Variants in CTNNA3 observed in about 807,000 individuals in gnomAD.
CTNNA3 encodes the protein catenin alpha-3.
A neutral mutation model predicts 95.7 loss-of-function variants in CTNNA3; 76 were observed. The observed-to-expected ratio is 0.79, with a 90% CI of 0.66 to 0.96. The LOEUF (loss-of-function observed/expected upper bound fraction) is 0.96. CTNNA3 is among the 40% of genes least tolerant of loss of function. CTNNA3 has a pLI of 0.00. For synonymous variants in CTNNA3, 431 were observed against 374.4 expected, an observed-to-expected ratio of 1.15 and a Z score of -1.74; for missense variants, 1,191 against 1,089.8, an observed-to-expected ratio of 1.09 and a Z score of -1.31.
At chr10:66,110,506 A>C (rs112544626) in intron 13 of CTNNA3, among the ~76,000 whole-genome samples, 38 of 152,208 alleles carry the variant, frequency 2.5e-4, no homozygotes, top group African/African-American at 8.2e-4. Flanking sequence ...CCCTCTCTCT[A>C]TATATACACA....
intron 3 of CTNNA3, among the ~76,000 whole-genome samples, chr10:67,568,958 T>A (rs1439303491): frequency 6.6e-6 from 1 of 152,174 alleles, no homozygotes; most frequent in Non-Finnish European, 1.5e-5. Flanking sequence ...AATGCAATAT[T>A]CTTTTCAACT....
chr10:67,085,822 T>C (rs1857279517), intron 7 of CTNNA3, among the ~76,000 whole-genome samples: 2 of 152,046 alleles, frequency 1.3e-5, no homozygotes, highest in South Asian at 4.1e-4. Context: ...CTTTATTCTC[T>C]ATTGAATTTA....
At chr10:66,086,909 A>G (rs2081006667) in intron 14 of CTNNA3, among the ~76,000 whole-genome samples, 2 of 152,106 alleles carry the variant, frequency 1.3e-5, no homozygotes. Flanking sequence ...TTCTTTTAAT[A>G]AAAAGCAGCC....
intron 5 of CTNNA3, among the ~76,000 whole-genome samples, chr10:67,458,197 T>C (rs1374168358): frequency 2.6e-5 from 4 of 152,138 alleles, no homozygotes; most frequent in African/African-American, 7.2e-5. Context: ...GCATATCTGA[T>C]ACTGTGTGAA....
At chr10:67,038,256 T>C (rs1024889291) in intron 7 of CTNNA3, among the ~76,000 whole-genome samples, 1 of 152,078 alleles carries the variant, frequency 6.6e-6, no homozygotes, top group African/African-American at 2.4e-5. Flanking sequence ...AAAAAATCTA[T>C]CCTCCTAAAA....
intron 5 of CTNNA3, among the ~76,000 whole-genome samples, chr10:67,320,048 C>T (rs2620915): frequency 0.7 from 105,990 of 152,066 alleles, 41,448 homozygotes; most frequent in Non-Finnish European, 0.88. Flanking sequence ...TTAAGTGTGA[C>T]GGCATGTTGT....
intron 5 of CTNNA3, among the ~76,000 whole-genome samples, chr10:67,259,665 C>A (rs749231238): frequency 6.6e-6 from 1 of 152,114 alleles, no homozygotes; most frequent in East Asian, 1.9e-4. Context: ...ACTATTTTTG[C>A]GCCACTTTAT....
chr10:65,930,983 T>C (rs2077244038), intron 17 of CTNNA3, among the ~76,000 whole-genome samples: 1 of 152,220 alleles, frequency 6.6e-6, no homozygotes, highest in South Asian at 2.1e-4. Context: ...GGTTTTCTGA[T>C]TTTTAAATAA....
intron 6 of CTNNA3, among the ~76,000 whole-genome samples, chr10:67,214,903 G>A (rs951964436): frequency 6.6e-6 from 1 of 151,622 alleles, no homozygotes; most frequent in East Asian, 1.9e-4. Context: ...ACTATGATAC[G>A]TGTAAATATA....
chr10:67,101,561 A>G (rs184337472), intron 7 of CTNNA3, among the ~76,000 whole-genome samples: 2 of 151,852 alleles, frequency 1.3e-5, no homozygotes, highest in Admixed American at 6.6e-5. Flanking sequence ...ATTTTTGTCA[A>G]GTCTCTATTT....
chr10:67,492,513 C>T lies in CTNNA3; in HGVS notation c.579+29329G>A, dbSNP rs138677084. 2.2e-3 allele frequency among the ~76,000 whole-genome samples: 328 copies of T among 152,282 alleles called. 2 individuals carry two copies. Among genetic ancestry groups the T allele is most frequent in the African/African-American group, 7.5e-3 (313 of 41,558 alleles). On this transcript the variant is annotated intron_variant, in intron 5 of 17. Coordinates refer to ENST00000433211, the MANE Select transcript of CTNNA3 (RefSeq NM_013266.4). ...GTGTTTATTGAGTGCCACTTAATAT[C>T]AAGAGAGACAATGTGCTTATGTCCC...
chr10:66,725,823 T>C (rs1304165899), intron 9 of CTNNA3, among the ~76,000 whole-genome samples: 1 of 152,120 alleles, frequency 6.6e-6, no homozygotes, highest in East Asian at 1.9e-4. Flanking sequence ...GTTTCAGATA[T>C]TGTAACACAA....
intron 7 of CTNNA3, among the ~76,000 whole-genome samples, chr10:67,130,524 T>G (rs373766892): frequency 1.3e-5 from 2 of 152,238 alleles, no homozygotes; most frequent in East Asian, 3.9e-4. Flanking sequence ...TCCCAAAATT[T>G]AAAATTAGAT....
At chr10:67,372,076 T>G (rs553395078) in intron 5 of CTNNA3, among the ~76,000 whole-genome samples, 52 of 149,880 alleles carry the variant, frequency 3.5e-4, no homozygotes, top group African/African-American at 1.1e-3. Flanking sequence ...TGATGGGTTG[T>G]TTTTTTTTTC....
chr10:65,957,769 G>A lies in CTNNA3; in HGVS notation c.2400+8843C>T, dbSNP rs1327989011. Among the ~76,000 whole-genome samples, 4 of 152,242 alleles carry A rather than the reference G, an allele frequency of 2.6e-5. No homozygotes were observed. The South Asian group carries it at 8.3e-4, about 32-fold the overall frequency. ...CCGAGAGATCTGCTGTTAGTCTGATGGGCTTCCCTCTGTGGGTAACCCGAC... is the reference window on the plus strand; with the variant it reads ...CCGAGAGATCTGCTGTTAGTCTGATAGGCTTCCCTCTGTGGGTAACCCGAC... On this transcript the variant is annotated intron_variant, in intron 17 of 17. Transcript: ENST00000433211.
Position 66,986,951 on chromosome 10 carries a change from G to A in CTNNA3, c.1047+193366C>T, listed in dbSNP as rs181894848. 3.9e-5 allele frequency among the ~76,000 whole-genome samples: 6 copies of A among 152,194 alleles called. No individual in the cohort carries two copies. The East Asian group carries it at 1.2e-3, about 29-fold the overall frequency. ...GTTTATATTTGAATAAGGAGTCAAG[G>A]TCACATCGTCAGAATGGGCCTCACT... is the stretch of plus-strand genomic sequence containing the variant. On this transcript the variant is annotated intron_variant, in intron 7 of 17. Transcript: ENST00000433211.
chr10:67,629,941 A>G (rs1839085828), intron 2 of CTNNA3, among the ~76,000 whole-genome samples: 1 of 152,128 alleles, frequency 6.6e-6, no homozygotes, highest in Non-Finnish European at 1.5e-5. Flanking sequence ...AACCCTAGGT[A>G]CTAACTGCTT....
chr10:67,676,699 G>A (rs966871161), intron 1 of CTNNA3, among the ~76,000 whole-genome samples: 7 of 152,164 alleles, frequency 4.6e-5, no homozygotes, highest in African/African-American at 1.7e-4. Context: ...ATAGTTCAGT[G>A]AGACCCTTTC....
At chr10:66,561,306 A>G (rs1299575423) in intron 10 of CTNNA3, among the ~76,000 whole-genome samples, 1 of 152,082 alleles carries the variant, frequency 6.6e-6, no homozygotes, top group South Asian at 2.1e-4. Flanking sequence ...ACAATGGGCA[A>G]ACATACTGGA....
Sources: allele counts gnomAD v4.1 joint callset (sites outside exome capture counted in the v4.1 genomes callset), GRCh38; gene constraint gnomAD v4.1.1; transcripts MANE v1.5; gene names NCBI Gene and HGNC (gene_info 2026-07-23, HGNC 2026-07-21).